The following ATP13A4 variants were observed in gnomAD, a reference collection of about 807,000 sequenced individuals.
The protein encoded by ATP13A4 is ATPase 13A4.
A neutral mutation model predicts 142.5 loss-of-function variants in ATP13A4; 114 were observed. That is an observed-to-expected ratio of 0.80 (90% CI 0.69 to 0.93). The LOEUF (loss-of-function observed/expected upper bound fraction) is 0.93, where lower values mean the gene tolerates loss of function less well. Ranked by LOEUF, ATP13A4 falls within the 40% of genes least tolerant of loss-of-function variation. The pLI is 0.00. For synonymous variants in ATP13A4, 488 were observed against 514.8 expected (o/e 0.95, Z 0.70); for missense variants, 1,392 against 1,454.0 (o/e 0.96, Z 0.69).
chr3:193,552,215 G>A (rs1042834250), intron 1 of ATP13A4, among the ~76,000 whole-genome samples: 3 of 152,026 alleles, frequency 2.0e-5, no homozygotes, highest in Non-Finnish European at 4.4e-5. Context: ...TTGGTGATCC[G>A]CCCGCCTCGG....
In ATP13A4 at chr3:193,421,580, A is replaced by G. The variant is rs897448512; in HGVS notation, c.2843-6830T>C. On this transcript the variant is annotated intron_variant, in intron 25 of 29. Coordinates refer to ENST00000342695, the MANE Select transcript of ATP13A4 (RefSeq NM_032279.4). ...TAGTATGAAGTCTAAAAGCCAAAAC[A>G]GTCAAATATAATAGTAACTACAATA... Among the ~76,000 whole-genome samples, 92 of 150,166 alleles carry G rather than the reference A, an allele frequency of 6.1e-4. 3 individuals carry two copies. Among genetic ancestry groups the G allele is most frequent in the African/African-American group, 2.2e-3 (92 of 41,020 alleles).
intron 2 of ATP13A4, among the ~76,000 whole-genome samples, chr3:193,567,224 G>T (rs974229832): frequency 6.6e-6 from 1 of 152,078 alleles, no homozygotes; most frequent in Admixed American, 6.5e-5. Context: ...TATAAAAAAT[G>T]AGCCTGATAT....
At chr3:193,592,802 A>T (rs1464680159) in intron 1 of ATP13A4, among the ~76,000 whole-genome samples, 2 of 152,198 alleles carry the variant, frequency 1.3e-5, no homozygotes, top group Non-Finnish European at 2.9e-5. Context: ...TCAAACAAAG[A>T]TGCCCAAGAA....
chr3:193,573,875 C>T (rs921341330), intron 2 of ATP13A4, among the ~76,000 whole-genome samples: 18 of 152,134 alleles, frequency 1.2e-4, no homozygotes, highest in African/African-American at 3.1e-4. Flanking sequence ...CTTCAAAAAT[C>T]GATTTAGAAA....
At chr3:193,467,256 C>G in intron 10 of ATP13A4, 60 bp downstream of exon 10, 2 of 1,557,586 alleles carry the variant, frequency 1.3e-6, no homozygotes, top group Non-Finnish European at 1.8e-6. Context: ...AAATTTAAGG[C>G]ACTAGACAAA....
At chr3:193,546,508 A>G (rs537258420) in intron 1 of ATP13A4, among the ~76,000 whole-genome samples, 10 of 152,342 alleles carry the variant, frequency 6.6e-5, no homozygotes, top group Admixed American at 2.6e-4. Context: ...AGCAGGACCT[A>G]GACTGAAACC....
intron 1 of ATP13A4, among the ~76,000 whole-genome samples, chr3:193,521,521 C>T (rs554665638): frequency 8.5e-5 from 13 of 152,262 alleles, no homozygotes; most frequent in Admixed American, 4.6e-4. Flanking sequence ...TCTAATGTTA[C>T]GATTAACCTA....
intron 2 of ATP13A4, among the ~76,000 whole-genome samples, chr3:193,573,028 C>T (rs1252938474): frequency 2.5e-4 from 1 of 3,928 alleles, no homozygotes; most frequent in Non-Finnish European, 4.4e-4. Flanking sequence ...CCCAGTTACT[C>T]GGGGTGGGGG....
At chr3:193,569,921 C>T (rs1724223035) in intron 2 of ATP13A4, among the ~76,000 whole-genome samples, 1 of 152,170 alleles carries the variant, frequency 6.6e-6, no homozygotes. Context: ...TATATGAGAA[C>T]TCTCTATGCT....
At chr3:193,441,684 G>T (rs1299195701) in intron 19 of ATP13A4, 96 bp from the exon 20 acceptor site, 1 of 1,438,908 alleles carries the variant, frequency 6.9e-7, no homozygotes, top group Non-Finnish European at 9.7e-7. Context: ...GACAGACCAG[G>T]ATCTATCTGT....
At chr3:193,581,455 G>A (rs1248959633) in intron 2 of ATP13A4, among the ~76,000 whole-genome samples, 1 of 152,168 alleles carries the variant, frequency 6.6e-6, no homozygotes, top group African/African-American at 2.4e-5. Context: ...TAGAAAGAGA[G>A]GCGCAATAGC....
intron 25 of ATP13A4, 124 bp downstream of exon 25, chr3:193,433,721 G>T: frequency 1.4e-6 from 1 of 733,274 alleles, no homozygotes; most frequent in South Asian, 1.5e-5. Context: ...ATATATTTGG[G>T]AATAAATTCC....
Position 193,459,076 on chromosome 3 carries a change from C to A in ATP13A4, c.1674+5G>T. On this transcript the variant is annotated splice_donor_5th_base_variant and intron_variant, in intron 14 of 29. Transcript: ENST00000342695. ...TCTCAGATTCTCTGAAGAGCAGAGG[C>A]TTACCCAGGTGGTGGCTTCAAACAT... 1 of 1,614,240 alleles carries A rather than the reference C, an allele frequency of 6.2e-7. No individual in the cohort carries two copies. The highest frequency in any genetic ancestry group is 8.5e-7 in the Non-Finnish European group (1 of 1,180,034).
chr3:193,423,421 T>A, intron 25 of ATP13A4, among the ~76,000 whole-genome samples: 1 of 149,262 alleles, frequency 6.7e-6, no homozygotes, highest in African/African-American at 2.5e-5. Flanking sequence ...TAAATATAGA[T>A]GTAAAAAAAA....
At chr3:193,574,861 T>C (rs1008473722) in intron 2 of ATP13A4, among the ~76,000 whole-genome samples, 1 of 152,008 alleles carries the variant, frequency 6.6e-6, no homozygotes, top group Non-Finnish European at 1.5e-5. Context: ...GCAGGAGTAA[T>C]GTGATTAATT....
chr3:193,578,296 A>AATATCT (rs60425298), intron 2 of ATP13A4, among the ~76,000 whole-genome samples: 26,861 of 146,194 alleles, frequency 0.18, 2,582 homozygotes, highest in Admixed American at 0.24. Flanking sequence ...CCATCTCAGA[A>AATATCT]ATATCTATAT....
At chr3:193,417,365 C>G (rs1715119042) in intron 25 of ATP13A4, among the ~76,000 whole-genome samples, 2 of 152,130 alleles carry the variant, frequency 1.3e-5, no homozygotes, top group Admixed American at 6.5e-5. Context: ...TGCAATTTCA[C>G]TTTATATATC....
chr3:193,576,137 A>G (rs1229718941), intron 2 of ATP13A4, among the ~76,000 whole-genome samples: 2 of 152,112 alleles, frequency 1.3e-5, no homozygotes, highest in Non-Finnish European at 2.9e-5. Flanking sequence ...AGAGGAAGCC[A>G]AAGATCTGAA....
At chr3:193,491,466 A>G in intron 5 of ATP13A4, 68 bp from the exon 6 acceptor site, 1 of 1,138,642 alleles carries the variant, frequency 8.8e-7, no homozygotes, top group Non-Finnish European at 1.3e-6. Context: ...TCACCTATTC[A>G]GAAAAAGGTC....
Sources: allele counts gnomAD v4.1 joint callset (sites outside exome capture counted in the v4.1 genomes callset), GRCh38; gene constraint gnomAD v4.1.1; transcripts MANE v1.5; gene names NCBI Gene and HGNC (gene_info 2026-07-23, HGNC 2026-07-21).